The following ADGRL2 variants were observed in gnomAD, a reference collection of about 807,000 sequenced individuals.
ADGRL2 encodes the protein calcium-independent alpha-latrotoxin receptor 2.
In ADGRL2, 44 loss-of-function variants were observed where a neutral mutation model predicts 157.4. The observed-to-expected ratio is 0.28, with a 90% confidence interval of 0.22 to 0.36. The LOEUF is 0.36. ADGRL2 is among the 10% of genes least tolerant of loss of function. The pLI is 1.00. For missense variants in ADGRL2, 1,510 were observed against 1,768.9 expected (o/e 0.85, Z 2.63); for synonymous variants, 585 against 624.7 (o/e 0.94, Z 0.95).
At chr1:81,840,005 G>A (rs1342645549) in intron 2 of ADGRL2, among the ~76,000 whole-genome samples, 1 of 133,234 alleles carries the variant, frequency 7.5e-6, no homozygotes, top group African/African-American at 2.6e-5. Context: ...GTTGATTGAT[G>A]GGCATTTGGG....
At chr1:81,903,812 TACACACACAC>T (rs66880348) in intron 2 of ADGRL2, among the ~76,000 whole-genome samples, 5 of 120,510 alleles carry the variant, frequency 4.1e-5, no homozygotes, top group South Asian at 2.6e-4. Flanking sequence ...ACATTTTATA[TACACACACAC>T]ACACACACAC....
At chr1:81,854,073 T>TTCC (rs2093117182) in intron 2 of ADGRL2, among the ~76,000 whole-genome samples, 1 of 152,196 alleles carries the variant, frequency 6.6e-6, no homozygotes, top group East Asian at 1.9e-4. Context: ...ATTTTCTTAA[T>TTCC]AAATTTTCCA....
intron 1 of ADGRL2, among the ~76,000 whole-genome samples, chr1:81,428,378 T>G (rs937844632): frequency 6.6e-6 from 1 of 151,996 alleles, no homozygotes; most frequent in Non-Finnish European, 1.5e-5. Flanking sequence ...GGCTATATTT[T>G]AGGATATCAT....
chr1:81,496,139 C>A (rs1557734730), intron 2 of ADGRL2, among the ~76,000 whole-genome samples: 2 of 152,058 alleles, frequency 1.3e-5, no homozygotes, highest in Non-Finnish European at 2.9e-5. Context: ...TTAAATAACA[C>A]AATAGGAAAT....
chr1:81,312,684 T>C (rs1174636590), intron 1 of ADGRL2, among the ~76,000 whole-genome samples: 1 of 152,184 alleles, frequency 6.6e-6, no homozygotes, highest in Non-Finnish European at 1.5e-5. Flanking sequence ...TCCTTTTGAT[T>C]AGCAAGTGAA....
intron 2 of ADGRL2, among the ~76,000 whole-genome samples, chr1:81,511,315 A>G (rs922859772): frequency 6.7e-6 from 1 of 149,704 alleles, no homozygotes; most frequent in African/African-American, 2.5e-5. Context: ...TTGTGGCAAT[A>G]GAATCCCTTG....
chr1:81,455,199 CT>C (rs2077779179), intron 2 of ADGRL2, among the ~76,000 whole-genome samples: 1 of 152,186 alleles, frequency 6.6e-6, no homozygotes, highest in South Asian at 2.1e-4. Flanking sequence ...TGAACTTACT[CT>C]GTCAGTCAGT....
chr1:81,827,862 G>T (rs1414744548), intron 1 of ADGRL2, among the ~76,000 whole-genome samples: 1 of 152,118 alleles, frequency 6.6e-6, no homozygotes, highest in African/African-American at 2.4e-5. Flanking sequence ...ACTGCACCTG[G>T]CCTGAAACTC....
At chr1:81,504,840 C>T (rs895689492) in intron 2 of ADGRL2, among the ~76,000 whole-genome samples, 1 of 152,196 alleles carries the variant, frequency 6.6e-6, no homozygotes, top group East Asian at 1.9e-4. Context: ...GCTGGCCTTG[C>T]CAGAGGTTGA....
chr1:81,517,526 G>A (rs1570356261), intron 2 of ADGRL2, among the ~76,000 whole-genome samples: 1 of 145,716 alleles, frequency 6.9e-6, no homozygotes, highest in South Asian at 2.2e-4. Flanking sequence ...TTAATGTATC[G>A]TTTCCTCTCA....
chr1:81,537,232 C>T (rs1035573406), intron 2 of ADGRL2, among the ~76,000 whole-genome samples: 1 of 152,092 alleles, frequency 6.6e-6, no homozygotes, highest in African/African-American at 2.4e-5. Context: ...ACATCTGTGC[C>T]TTTTAAAGTT....
intron 3 of ADGRL2, among the ~76,000 whole-genome samples, chr1:81,918,979 C>T (rs1172994738): frequency 6.6e-6 from 1 of 151,910 alleles, no homozygotes; most frequent in Non-Finnish European, 1.5e-5. Flanking sequence ...TTAAATTTTA[C>T]AAGTTTTAGA....
intron 1 of ADGRL2, among the ~76,000 whole-genome samples, chr1:81,753,567 G>A (rs1359054176): frequency 6.6e-6 from 1 of 152,052 alleles, no homozygotes; most frequent in Non-Finnish European, 1.5e-5. Context: ...AGATTTATTT[G>A]CCCAAAAGTA....
chr1:81,846,576 A>G (rs530035623), intron 2 of ADGRL2, among the ~76,000 whole-genome samples: 1 of 151,958 alleles, frequency 6.6e-6, no homozygotes, highest in South Asian at 2.1e-4. Flanking sequence ...TAAAATTCTT[A>G]TTTTGTTGCA....
intron 2 of ADGRL2, among the ~76,000 whole-genome samples, chr1:81,900,613 T>C (rs2094468644): frequency 6.6e-6 from 1 of 152,222 alleles, no homozygotes; most frequent in African/African-American, 2.4e-5. Flanking sequence ...GAAACCATTC[T>C]GAAACTTAAC....
At chr1:81,976,642 G>A (rs1376447480) in intron 17 of ADGRL2, among the ~76,000 whole-genome samples, 4 of 151,866 alleles carry the variant, frequency 2.6e-5, no homozygotes, top group East Asian at 1.9e-4. Context: ...TTGGATTTAT[G>A]AGCTTATGTG....
chr1:81,412,243 T>C lies in ADGRL2; in HGVS notation c.-301-32793T>C, dbSNP rs72939073. Among the ~76,000 whole-genome samples, 338 of 152,300 alleles carry C rather than the reference T, an allele frequency of 2.2e-3. 1 individual carries two copies. Among genetic ancestry groups the C allele is most frequent in the African/African-American group, 7.1e-3 (294 of 41,564 alleles). Reference sequence around the variant, plus strand: ...CCAGGAAATCTGGTTCCAAAGGCAGTGCATGTAACCACCAAGCTTTATTGC... The same window carrying C: ...CCAGGAAATCTGGTTCCAAAGGCAGCGCATGTAACCACCAAGCTTTATTGC... On this transcript the variant is annotated intron_variant, in intron 1 of 24. Coordinates refer to the ADGRL2 transcript ENST00000370721.
chr1:81,318,525 G>T lies in ADGRL2; in HGVS notation c.-302+12016G>T, dbSNP rs565227266. 3.9e-5 allele frequency among the ~76,000 whole-genome samples: 6 copies of T among 152,158 alleles called. No homozygotes were observed. The East Asian group carries it at 1.2e-3, about 29-fold the overall frequency. On this transcript the variant is annotated intron_variant, in intron 1 of 24. Transcript: ENST00000370721. The stretch of plus-strand genomic sequence containing the variant: ...TGGTTGTATCATAGACAAATGAAAT[G>T]ATATTTTAAAAGAATTCAGCCTATA...
chr1:81,662,934 A>G (rs1189685725), intron 3 of ADGRL2, among the ~76,000 whole-genome samples: 1 of 152,016 alleles, frequency 6.6e-6, no homozygotes, highest in Non-Finnish European at 1.5e-5. Flanking sequence ...TTTTCAAGTA[A>G]TGGTGGTGTT....
Sources: allele counts gnomAD v4.1 joint callset (sites outside exome capture counted in the v4.1 genomes callset), GRCh38; gene constraint gnomAD v4.1.1; transcripts MANE v1.5; gene names NCBI Gene and HGNC (gene_info 2026-07-23, HGNC 2026-07-21).